MAML3: variants seen among roughly 807,000 people sequenced by gnomAD.
MAML3 encodes the protein mastermind like transcriptional coactivator 3.
In MAML3, 27 loss-of-function variants were observed where a neutral mutation model predicts 101.9. The observed-to-expected ratio is 0.27, with a 90% CI of 0.20 to 0.37. The LOEUF (loss-of-function observed/expected upper bound fraction) is 0.37, where lower values mean the gene tolerates loss of function less well. Among genes scored for constraint, MAML3 ranks in the 10% least tolerant of loss-of-function variants. MAML3 has a pLI of 1.00. For synonymous variants in MAML3, 501 were observed against 555.9 expected (o/e 0.90, Z 1.39); for missense variants, 1,316 against 1,444.9 (o/e 0.91, Z 1.45).
rs150907793 is a variant in MAML3 at position 139,967,581 on chromosome 4, G to A, written c.469-76614C>T. ...CATCATGAGGTTGCATACATAAGGCGGTGAGAGAGAGTGTGCCTCTCCTGC... is the reference window on the plus strand; with the variant it reads ...CATCATGAGGTTGCATACATAAGGCAGTGAGAGAGAGTGTGCCTCTCCTGC... On this transcript the variant is annotated intron_variant, in intron 1 of 4. Transcript: ENST00000509479. 4.1e-3 allele frequency among the ~76,000 whole-genome samples: 621 copies of A among 151,620 alleles called. 13 individuals are homozygous for A. In the South Asian group the frequency reaches 0.068, roughly 17 times the overall value.
intron 1 of MAML3, among the ~76,000 whole-genome samples, chr4:140,052,616 C>T (rs1727286268): frequency 6.6e-6 from 1 of 150,420 alleles, no homozygotes; most frequent in Non-Finnish European, 1.5e-5. Context: ...CTCACTATAA[C>T]CTCTACCTCC....
intron 2 of MAML3, among the ~76,000 whole-genome samples, chr4:139,855,983 TC>T (rs1469513890): frequency 6.6e-6 from 1 of 152,188 alleles, no homozygotes; most frequent in African/African-American, 2.4e-5. Flanking sequence ...ACGGACTCAG[TC>T]CCCTTTGTCT....
chr4:139,925,975 C>A (rs142488024), intron 1 of MAML3, among the ~76,000 whole-genome samples: 31 of 152,120 alleles, frequency 2.0e-4, no homozygotes, highest in Admixed American at 1.8e-3. Flanking sequence ...GGGCAGCCCA[C>A]GGTCCTGCTC....
rs150292021 is a variant in MAML3, at chr4:139,978,487, G to A, written c.469-87520C>T. Among the ~76,000 whole-genome samples the A allele has an allele frequency of 6.9e-3, 1,053 of 152,176 alleles. 14 individuals are homozygous for A. Among genetic ancestry groups the A allele is most frequent in the African/African-American group, 0.024 (1,004 of 41,512 alleles). On this transcript the variant is annotated intron_variant, in intron 1 of 4. Coordinates refer to ENST00000509479, the MANE Select transcript of MAML3 (RefSeq NM_018717.5). ...GAAAGTCCTGCAAAAATGAAAATCT[G>A]CAAATGCTTTAAAAACGAGTGGCAG... is the stretch of plus-strand genomic sequence containing the variant.
chr4:139,962,862 C>G (rs1375674118), intron 1 of MAML3, among the ~76,000 whole-genome samples: 2 of 151,908 alleles, frequency 1.3e-5, no homozygotes. Flanking sequence ...CAGGTTAACC[C>G]TCTTGTTACA....
chr4:139,969,040 A>G (rs1018479311), intron 1 of MAML3, among the ~76,000 whole-genome samples: 1 of 151,954 alleles, frequency 6.6e-6, no homozygotes, highest in African/African-American at 2.4e-5. Flanking sequence ...CATCCCAGCC[A>G]GAGTGGGAAG....
chr4:140,083,745 G>A (rs1727900319), intron 1 of MAML3, among the ~76,000 whole-genome samples: 1 of 151,980 alleles, frequency 6.6e-6, no homozygotes, highest in East Asian at 1.9e-4. Flanking sequence ...CCAACAGCAG[G>A]GTCTGGGTAT....
chr4:139,755,016 C>T (rs779192083), intron 2 of MAML3, among the ~76,000 whole-genome samples: 7 of 152,176 alleles, frequency 4.6e-5, no homozygotes, highest in Non-Finnish European at 8.8e-5. Flanking sequence ...TGCCTGAGTG[C>T]CACAAACACC....
At chr4:140,076,477 A>C (rs1023733490) in intron 1 of MAML3, among the ~76,000 whole-genome samples, 1 of 149,512 alleles carries the variant, frequency 6.7e-6, no homozygotes, top group African/African-American at 2.5e-5. Context: ...AAATGAAAAA[A>C]CTCTCCTCCA....
chr4:140,031,999 C>T (rs1304074652), intron 1 of MAML3, among the ~76,000 whole-genome samples: 4 of 152,300 alleles, frequency 2.6e-5, no homozygotes, highest in Non-Finnish European at 4.4e-5. Flanking sequence ...GACTGGCCAA[C>T]GGTCTTAATA....
chr4:139,942,808 C>A (rs1222071148), intron 1 of MAML3, among the ~76,000 whole-genome samples: 1 of 152,018 alleles, frequency 6.6e-6, no homozygotes, highest in Non-Finnish European at 1.5e-5. Context: ...TCCTTTTATT[C>A]CCCAAAGCTA....
At chr4:139,739,728 A>AAAAAG (rs1240368420) in intron 2 of MAML3, among the ~76,000 whole-genome samples, 1 of 149,958 alleles carries the variant, frequency 6.7e-6, no homozygotes, top group Non-Finnish European at 1.5e-5. Flanking sequence ...ACTAAAAAAA[A>AAAAAG]AAAAAGAAAA....
chr4:140,096,205 T>G (rs939133291), intron 1 of MAML3, among the ~76,000 whole-genome samples: 1 of 152,176 alleles, frequency 6.6e-6, no homozygotes, highest in African/African-American at 2.4e-5. Context: ...ACTTACGCAC[T>G]TTGGGGTACT....
chr4:139,977,378 T>C (rs910547248), intron 1 of MAML3, among the ~76,000 whole-genome samples: 5 of 152,098 alleles, frequency 3.3e-5, no homozygotes, highest in African/African-American at 9.7e-5. Context: ...CTAAATCATC[T>C]CTGATAGAGA....
chr4:139,983,341 A>C (rs1051029007), intron 1 of MAML3, among the ~76,000 whole-genome samples: 7 of 152,246 alleles, frequency 4.6e-5, no homozygotes, highest in Non-Finnish European at 8.8e-5. Flanking sequence ...ATGTCATAAA[A>C]ATAGAATCAT....
At chr4:140,040,039 A>AG (rs1475679525) in intron 1 of MAML3, among the ~76,000 whole-genome samples, 14 of 152,330 alleles carry the variant, frequency 9.2e-5, no homozygotes, top group African/African-American at 3.4e-4. Context: ...ACCAGAATGC[A>AG]GTCAACAAGA....
intron 1 of MAML3, 55 bp downstream of exon 1, chr4:140,152,802 CCCA>C (rs1232240400): frequency 8.0e-5 from 125 of 1,561,392 alleles, no homozygotes; most frequent in Admixed American, 1.8e-4. Flanking sequence ...CCACGCGCCC[CCCA>C]CCACCACCAC....
At chr4:139,932,394 C>T (rs779624695) in intron 1 of MAML3, among the ~76,000 whole-genome samples, 77 of 152,166 alleles carry the variant, frequency 5.1e-4, no homozygotes, top group Non-Finnish European at 9.6e-4. Context: ...GTACCTCAAA[C>T]TAAGGTTAAC....
At chr4:139,990,383 T>C (rs1578632071) in intron 1 of MAML3, among the ~76,000 whole-genome samples, 2 of 151,802 alleles carry the variant, frequency 1.3e-5, no homozygotes. Flanking sequence ...ATAAATTAGG[T>C]ATTGATGGGA....
Sources: allele counts gnomAD v4.1 joint callset (sites outside exome capture counted in the v4.1 genomes callset), GRCh38; gene constraint gnomAD v4.1.1; transcripts MANE v1.5; gene names NCBI Gene and HGNC (gene_info 2026-07-23, HGNC 2026-07-21).